The following STX8 variants were observed in gnomAD, a reference collection of about 807,000 sequenced individuals.
STX8 encodes the protein syntaxin-8.
Under a neutral mutation model 37.5 loss-of-function variants are expected in STX8, and 23 were observed. The observed-to-expected ratio is 0.61, with a 90% CI of 0.44 to 0.87. STX8 has a LOEUF of 0.87. Among genes scored for constraint, STX8 ranks in the 40% least tolerant of loss-of-function variants. The pLI, the probability that STX8 is intolerant of heterozygous loss-of-function variation, is 0.00. For missense variants in STX8, 313 were observed against 284.7 expected (o/e 1.10, Z -0.71); for synonymous variants, 115 against 99.1 (o/e 1.16, Z -0.95).
At chr17:9,318,939 C>T (rs1441009840) in intron 7 of STX8, among the ~76,000 whole-genome samples, 2 of 151,940 alleles carry the variant, frequency 1.3e-5, no homozygotes, top group Non-Finnish European at 2.9e-5. Context: ...GGGTGCAGAG[C>T]CAGTGCGGAT....
At chr17:9,251,260 C>T (rs1186219556) in intron 7 of STX8, among the ~76,000 whole-genome samples, 4 of 152,214 alleles carry the variant, frequency 2.6e-5, no homozygotes, top group East Asian at 3.8e-4. Context: ...CTTCCAGCCC[C>T]GCCCTGCCTC....
chr17:9,521,842 CATAATATCCA>C (rs1443749220), intron 4 of STX8, among the ~76,000 whole-genome samples: 3 of 152,222 alleles, frequency 2.0e-5, no homozygotes. Context: ...ATCTTCCTTA[CATAATATCCA>C]AGGAAATTTC....
intron 7 of STX8, among the ~76,000 whole-genome samples, chr17:9,301,025 G>A (rs550283489): frequency 5.3e-5 from 8 of 151,718 alleles, no homozygotes; most frequent in East Asian, 1.9e-4. Context: ...GTACAGACTC[G>A]GTTTCACTGT....
chr17:9,250,723 G>C, intron 7 of STX8, 78 bp from the exon 8 acceptor site: 8 of 1,372,564 alleles, frequency 5.8e-6, no homozygotes, highest in Non-Finnish European at 8.1e-6. Flanking sequence ...TGTCTGCAGA[G>C]ACTCAGAGGG....
At chr17:9,499,342 C>G (rs980801223) in intron 5 of STX8, among the ~76,000 whole-genome samples, 8 of 152,150 alleles carry the variant, frequency 5.3e-5, no homozygotes, top group Non-Finnish European at 1.2e-4. Flanking sequence ...GTGAAGATTA[C>G]TTCCATTTTT....
intron 7 of STX8, among the ~76,000 whole-genome samples, chr17:9,372,556 C>T (rs1295408150): frequency 6.6e-6 from 1 of 151,934 alleles, no homozygotes; most frequent in African/African-American, 2.4e-5. Flanking sequence ...CGGCTAACTG[C>T]AATCTCTGCC....
At chr17:9,456,111 A>AC (rs772626380) in intron 6 of STX8, among the ~76,000 whole-genome samples, 21 of 152,128 alleles carry the variant, frequency 1.4e-4, no homozygotes, top group Non-Finnish European at 2.8e-4. Context: ...TAAATACGCC[A>AC]CCCTCAGAGA....
At chr17:9,560,270 C>T (rs1302005961) in intron 2 of STX8, among the ~76,000 whole-genome samples, 1 of 151,158 alleles carries the variant, frequency 6.6e-6, no homozygotes, top group Non-Finnish European at 1.5e-5. Flanking sequence ...TGGTGGTGCG[C>T]ACCTGTAATC....
chr17:9,410,915 A>C (rs1221127286), intron 6 of STX8, among the ~76,000 whole-genome samples: 2 of 152,164 alleles, frequency 1.3e-5, no homozygotes, highest in African/African-American at 2.4e-5. Flanking sequence ...AAAAAATCTC[A>C]ACTCATTTAC....
At chr17:9,375,733 T>C (rs1041222704) in intron 7 of STX8, among the ~76,000 whole-genome samples, 1 of 152,222 alleles carries the variant, frequency 6.6e-6, no homozygotes, top group Non-Finnish European at 1.5e-5. Flanking sequence ...TATACATATA[T>C]ACCCACATAC....
At chr17:9,374,492 A>C (rs1911519264) in intron 7 of STX8, among the ~76,000 whole-genome samples, 1 of 152,180 alleles carries the variant, frequency 6.6e-6, no homozygotes, top group African/African-American at 2.4e-5. Context: ...GATCAGTTGA[A>C]GGCTTAAAAG....
chr17:9,255,715 C>G (rs1440510684), intron 7 of STX8, among the ~76,000 whole-genome samples: 1 of 151,814 alleles, frequency 6.6e-6, no homozygotes, highest in Non-Finnish European at 1.5e-5. Flanking sequence ...TATTTTAAAC[C>G]CTTTCAGAGC....
chr17:9,567,337 C>A (rs1350491414), intron 2 of STX8, among the ~76,000 whole-genome samples: 6 of 152,162 alleles, frequency 3.9e-5, no homozygotes, highest in Non-Finnish European at 7.3e-5. Flanking sequence ...AACATAATAA[C>A]CTCAGCATTC....
intron 7 of STX8, among the ~76,000 whole-genome samples, chr17:9,301,064 C>T (rs1908762037): frequency 6.6e-6 from 1 of 151,970 alleles, no homozygotes; most frequent in African/African-American, 2.4e-5. Flanking sequence ...GATCTCCTGA[C>T]CTCGTGATCC....
chr17:9,282,018 T>C (rs1295793896), intron 7 of STX8, among the ~76,000 whole-genome samples: 1 of 152,226 alleles, frequency 6.6e-6, no homozygotes, highest in Non-Finnish European at 1.5e-5. Flanking sequence ...CACTCTCCTG[T>C]TGGAGGCCTC....
intron 6 of STX8, among the ~76,000 whole-genome samples, chr17:9,467,728 C>T (rs922673896): frequency 6.6e-6 from 1 of 152,142 alleles, no homozygotes; most frequent in Admixed American, 6.5e-5. Context: ...CGGAGTGGCT[C>T]GGGGCATGGA....
At chr17:9,459,756 C>T (rs1185685536) in intron 6 of STX8, among the ~76,000 whole-genome samples, 2 of 152,322 alleles carry the variant, frequency 1.3e-5, no homozygotes, top group East Asian at 1.9e-4. Context: ...ACCTTGTGAT[C>T]CACCTGCCTC....
chr17:9,450,017 A>G (rs1215055933), intron 6 of STX8, among the ~76,000 whole-genome samples: 2 of 151,886 alleles, frequency 1.3e-5, no homozygotes, highest in African/African-American at 4.9e-5. Context: ...GACTTGTTTT[A>G]TATCTCAAGT....
Position 9,328,684 on chromosome 17 carries a change from G to A in STX8, c.643+49868C>T, listed in dbSNP as rs576529081. 3.9e-5 allele frequency among the ~76,000 whole-genome samples: 6 copies of A among 152,244 alleles called. 1 individual carries two copies. The highest frequency in any genetic ancestry group is 3.3e-4 in the Admixed American group (5 of 15,274). On this transcript the variant is annotated intron_variant, in intron 7 of 7. Coordinates refer to ENST00000306357, the MANE Select transcript of STX8 (RefSeq NM_004853.3). The stretch of plus-strand genomic sequence containing the variant: ...TCCCTAACTGTCATCAAATTGTCAA[G>A]GCTAAAGTTCAGGGAAATCCACCTC...
Sources: gnomAD v4.1 joint callset for allele counts (sites outside exome capture counted in the v4.1 genomes callset) on GRCh38, gnomAD v4.1.1 for gene constraint, MANE v1.5 for transcripts, NCBI Gene and HGNC (gene_info 2026-07-23, HGNC 2026-07-21) for gene names.